Variants in RAB30 observed in about 807,000 individuals in gnomAD.
The protein encoded by RAB30 is RAB30, member RAS oncogene family.
In RAB30, 9 loss-of-function variants were observed where a neutral mutation model predicts 25.1. The observed-to-expected ratio is 0.36, with a 90% confidence interval of 0.22 to 0.63. RAB30 has a LOEUF of 0.63. RAB30 is among the 20% of genes least tolerant of loss of function. The probability of loss-of-function intolerance (pLI) is 0.69; values close to 1 mark genes in which losing one functional copy is unlikely to be tolerated. For missense variants in RAB30, 140 were observed against 243.5 expected, an observed-to-expected ratio of 0.58 and a Z score of 2.83; for synonymous variants, 77 against 86.4, an observed-to-expected ratio of 0.89 and a Z score of 0.60.
chr11:83,014,539 T>G (rs1857372043), intron 1 of RAB30, among the ~76,000 whole-genome samples: 1 of 151,382 alleles, frequency 6.6e-6, no homozygotes, highest in Non-Finnish European at 1.5e-5. Flanking sequence ...GACTAAGACC[T>G]CTTTCCTTTT....
At chr11:83,051,530 A>C (rs1463591138) in intron 1 of RAB30, among the ~76,000 whole-genome samples, 1 of 152,188 alleles carries the variant, frequency 6.6e-6, no homozygotes, top group East Asian at 1.9e-4. Flanking sequence ...AGCGGCAAGA[A>C]GGTGGAAGTA....
intron 1 of RAB30, among the ~76,000 whole-genome samples, chr11:83,047,001 C>T (rs773534728): frequency 3.9e-5 from 6 of 152,060 alleles, no homozygotes; most frequent in Non-Finnish European, 5.9e-5. Context: ...TGTGTGATTC[C>T]GGCTCTTCAC....
chr11:82,999,764 T>C (rs1325455762), intron 1 of RAB30, among the ~76,000 whole-genome samples: 1 of 152,032 alleles, frequency 6.6e-6, no homozygotes, highest in Admixed American at 6.6e-5. Flanking sequence ...CTCCCTGAGA[T>C]CTCAGCTTCA....
chr11:83,007,254 G>T (rs1341546302), intron 1 of RAB30, among the ~76,000 whole-genome samples: 1 of 152,186 alleles, frequency 6.6e-6, no homozygotes, highest in African/African-American at 2.4e-5. Flanking sequence ...AACTGTCAGG[G>T]GTGGCTGGCA....
intron 1 of RAB30, among the ~76,000 whole-genome samples, chr11:83,052,961 TA>T (rs1192357656): frequency 6.6e-6 from 1 of 152,110 alleles, no homozygotes; most frequent in Non-Finnish European, 1.5e-5. Flanking sequence ...AATGTTTTAG[TA>T]AAAAAACTTT....
chr11:83,054,602 T>C (rs1041307726), intron 1 of RAB30, among the ~76,000 whole-genome samples: 1 of 152,094 alleles, frequency 6.6e-6, no homozygotes, highest in African/African-American at 2.4e-5. Flanking sequence ...GGCACACCTC[T>C]GTAGTCCTAG....
intron 4 of RAB30, among the ~76,000 whole-genome samples, chr11:82,984,202 TTCTA>T (rs1856695006): frequency 6.6e-6 from 1 of 152,210 alleles, no homozygotes; most frequent in South Asian, 2.1e-4. Context: ...GGCCTGGGAA[TTCTA>T]TCTAAGAATT....
Position 82,981,579 on chromosome 11 carries a change from T to C in RAB30, c.*586A>G, listed in dbSNP as rs2121426738. ...GAGCTTGTATATATTATTAAAACAA[T>C]GATTGTTACTGTTGGTCATGGGTAA... On this transcript the variant is annotated 3_prime_UTR_variant, in exon 5 of 5. Transcript: ENST00000527633. The C allele has an allele frequency of 6.5e-6, 1 of 153,172 alleles. No homozygotes were observed. Among genetic ancestry groups the C allele is most frequent in the Non-Finnish European group, 1.5e-5 (1 of 68,392 alleles). The allele number at this position is 153,172 out of a possible 1,614,324, so 9.5% of individuals were successfully genotyped here. A position where few individuals can be genotyped will look rare whatever the true frequency, so the allele number is the denominator to read the frequency against.
chr11:83,030,632 C>T (rs879676638), intron 1 of RAB30, among the ~76,000 whole-genome samples: 1 of 151,890 alleles, frequency 6.6e-6, no homozygotes, highest in Non-Finnish European at 1.5e-5. Flanking sequence ...ACCCCATCTC[C>T]ACTAAAAAAC....
Position 82,978,823 on chromosome 11 carries a change from T to C in RAB30, c.*3342A>G, listed in dbSNP as rs546958309. On this transcript the variant is annotated 3_prime_UTR_variant, in exon 5 of 5. Transcript: ENST00000527633. ...ATCTAAACGGCTTAAATAATCCTCA[T>C]CCAAATATCTTATTTTGGCCAATCG... is the stretch of plus-strand genomic sequence containing the variant. The C allele has an allele frequency of 3.3e-5, 5 of 152,340 alleles. No homozygotes were observed. In the East Asian group the frequency reaches 7.7e-4, roughly 23 times the overall value. The allele number at this position is 152,340 out of a possible 1,614,324, so 9.4% of individuals were successfully genotyped here.
chr11:82,973,396 A>G lies in RAB30; in HGVS notation c.*8769T>C, dbSNP rs1233415356. The stretch of plus-strand genomic sequence containing the variant: ...AGTCCAATTTTAAAAGACAGACAAT[A>G]TATAAAATAACTTACATATTTAAAA... On this transcript the variant is annotated 3_prime_UTR_variant, in exon 5 of 5. Transcript: ENST00000527633. The G allele has an allele frequency of 5.3e-5, 8 of 152,252 alleles. No homozygotes were observed. Among genetic ancestry groups the G allele is most frequent in the Non-Finnish European group, 1.0e-4 (7 of 68,040 alleles). The allele number at this position is 152,252 out of a possible 1,614,324, so 9.4% of individuals were successfully genotyped here. A position where few individuals can be genotyped will look rare whatever the true frequency, so the allele number is the denominator to read the frequency against.
chr11:83,029,709 T>C (rs1041243021), intron 1 of RAB30, among the ~76,000 whole-genome samples: 16 of 152,270 alleles, frequency 1.1e-4, no homozygotes, highest in African/African-American at 3.9e-4. Flanking sequence ...CTTGATATCA[T>C]CTCAAAAATT....
At chr11:83,060,529 A>C (rs1858548207) in intron 1 of RAB30, among the ~76,000 whole-genome samples, 1 of 152,214 alleles carries the variant, frequency 6.6e-6, no homozygotes, top group Non-Finnish European at 1.5e-5. Flanking sequence ...AACTGACATT[A>C]GGTGTCACCT....
chr11:83,000,801 C>A (rs1251732766), intron 1 of RAB30, among the ~76,000 whole-genome samples: 2 of 152,060 alleles, frequency 1.3e-5, no homozygotes, highest in African/African-American at 4.8e-5. Flanking sequence ...CGCCTGTAAT[C>A]CCAGCACTTT....
rs779624249 is a variant in RAB30, at chr11:82,987,655, C to A, written c.293G>T (p.Arg98Leu). The part of the protein sequence containing the change: ...TYDITCEESF[R>L]CLPEWLREIE... ...CTCCCGCAGCCACTCAGGAAGGCAA[C>A]GGAAGGATTCCTCACAGGTAATGTC... The change falls in exon 4 of 5, where the codon CGT (arginine) becomes CTT (leucine). Residue 98 changes from arginine (R) to leucine (L), a missense_variant. Physicochemically the swap from Arg to Leu is moderately radical, Grantham distance 102 (BLOSUM62 -2). Transcript: ENST00000527633. 1.9e-6 allele frequency: 3 copies of A among 1,613,776 alleles called. No individual in the cohort carries two copies. The South Asian group carries it at 3.3e-5, about 18-fold the overall frequency.
chr11:82,988,679 G>A (rs1856788085), intron 3 of RAB30, among the ~76,000 whole-genome samples: 1 of 152,214 alleles, frequency 6.6e-6, no homozygotes, highest in Admixed American at 6.5e-5. Flanking sequence ...CCTGCACAGA[G>A]TAGACAACTA....
chr11:83,035,929 T>G (rs886707903), intron 1 of RAB30, among the ~76,000 whole-genome samples: 2 of 152,184 alleles, frequency 1.3e-5, no homozygotes, highest in African/African-American at 4.8e-5. Flanking sequence ...TGAAACTTGA[T>G]AGAACTCTTC....
intron 1 of RAB30, among the ~76,000 whole-genome samples, chr11:83,018,176 G>A (rs1220753956): frequency 6.6e-6 from 1 of 151,982 alleles, no homozygotes; most frequent in Non-Finnish European, 1.5e-5. Flanking sequence ...GCATGCGCCT[G>A]TAGTCCCAGC....
chr11:83,035,260 T>C (rs970487916), intron 1 of RAB30: 76 of 152,132 alleles, frequency 5.0e-4, no homozygotes, highest in African/African-American at 1.7e-3. Flanking sequence ...TAGATCATCA[T>C]GCCAAGCACG....
Sources: allele counts gnomAD v4.1 joint callset (sites outside exome capture counted in the v4.1 genomes callset), GRCh38; gene constraint gnomAD v4.1.1; transcripts MANE v1.5; gene names NCBI Gene and HGNC (gene_info 2026-07-23, HGNC 2026-07-21).